The following ERAP1 variants were observed in gnomAD, a reference collection of about 807,000 sequenced individuals.
ERAP1 encodes adipocyte-derived leucine aminopeptidase.
A neutral mutation model predicts 103.7 loss-of-function variants in ERAP1; 86 were observed. That is an observed-to-expected ratio of 0.83 (90% confidence interval 0.70 to 0.99). The LOEUF (loss-of-function observed/expected upper bound fraction) is 0.99, where lower values mean the gene tolerates loss of function less well. ERAP1 is among the 50% of genes least tolerant of loss of function. ERAP1 has a pLI of 0.00. For synonymous variants in ERAP1, 398 were observed against 402.4 expected (o/e 0.99, Z 0.13); for missense variants, 1,009 against 1,128.4 (o/e 0.89, Z 1.52).
At chr5:96,787,833 T>TAC (rs199697794) in intron 11 of ERAP1, among the ~76,000 whole-genome samples, 2 of 150,784 alleles carry the variant, frequency 1.3e-5, no homozygotes, top group Non-Finnish European at 3.0e-5. Flanking sequence ...TATGTATATA[T>TAC]ACACACACAC....
chr5:96,912,526 G>A, the ERAP1 span: 3 of 638,722 alleles, frequency 4.7e-6, no homozygotes, highest in South Asian at 4.5e-5. Flanking sequence ...TTAATACATT[G>A]AGTACTGAAA....
At chr5:96,860,986 G>T in the ERAP1 span, among the ~76,000 whole-genome samples, 1 of 151,490 alleles carries the variant, frequency 6.6e-6, no homozygotes, top group Non-Finnish European at 1.5e-5. Context: ...TAATTGTGTG[G>T]GCAGAAGCCT....
At chr5:96,880,157 C>T in the ERAP1 span, 1 of 1,614,042 alleles carries the variant, frequency 6.2e-7, no homozygotes, top group East Asian at 2.2e-5. Flanking sequence ...GAAACTTACG[C>T]CTCACCTGAA....
the ERAP1 span, among the ~76,000 whole-genome samples, chr5:96,818,571 T>G: frequency 1.3e-5 from 2 of 152,060 alleles, no homozygotes; most frequent in African/African-American, 4.8e-5. Context: ...GCTTTTTTTG[T>G]TGTGCAGGTT....
At chr5:96,797,411 TC>T in intron 3 of ERAP1, 102 bp from the exon 4 acceptor site, 1 of 1,353,762 alleles carries the variant, frequency 7.4e-7, no homozygotes, top group Non-Finnish European at 1.0e-6. Flanking sequence ...AGTGTATCAA[TC>T]CCAGCACTTG....
chr5:96,815,129 GT>G, the ERAP1 span, among the ~76,000 whole-genome samples: 1 of 152,206 alleles, frequency 6.6e-6, no homozygotes, highest in Non-Finnish European at 1.5e-5. Context: ...AGCCAAAGAT[GT>G]CAAAATTAAA....
At chr5:96,915,695 T>G in the ERAP1 span, 8 of 1,533,558 alleles carry the variant, frequency 5.2e-6, no homozygotes, top group South Asian at 1.0e-4. Flanking sequence ...CAGATTTGAC[T>G]TGGGCTCATA....
At chr5:96,910,004 G>A in the ERAP1 span, 3 of 379,220 alleles carry the variant, frequency 7.9e-6, no homozygotes, top group East Asian at 4.7e-5. Context: ...AGTGGCCCAC[G>A]CCTATAATCC....
chr5:96,786,433 C>A (rs1208181490), intron 12 of ERAP1, 37 bp downstream of exon 12: 2 of 1,354,842 alleles, frequency 1.5e-6, no homozygotes, highest in Admixed American at 3.4e-5. Flanking sequence ...TTTCACATTC[C>A]TCCTTGAATT....
At chr5:96,847,152 G>T in the ERAP1 span, among the ~76,000 whole-genome samples, 5 of 150,868 alleles carry the variant, frequency 3.3e-5, no homozygotes, top group African/African-American at 1.2e-4. Context: ...GGAGGCTGAG[G>T]CAGGAGAATC....
chr5:96,916,607 G>A, the ERAP1 span, among the ~76,000 whole-genome samples: 3 of 151,564 alleles, frequency 2.0e-5, no homozygotes, highest in Non-Finnish European at 4.4e-5. Flanking sequence ...GGGACTACAG[G>A]AGGCTGCCAC....
the ERAP1 span, among the ~76,000 whole-genome samples, chr5:96,821,758 T>G: frequency 6.6e-6 from 1 of 152,214 alleles, no homozygotes; most frequent in African/African-American, 2.4e-5. Context: ...CTAGTTTATA[T>G]TGAGCATTTC....
chr5:96,899,980 TCC>T, the ERAP1 span: 1 of 1,021,178 alleles, frequency 9.8e-7, no homozygotes, highest in Admixed American at 2.7e-5. Flanking sequence ...TGCCTTTTTT[TCC>T]ATTTTTATGT....
chr5:96,887,979 G>A, the ERAP1 span, among the ~76,000 whole-genome samples: 1 of 151,984 alleles, frequency 6.6e-6, no homozygotes, highest in South Asian at 2.1e-4. Context: ...ACAAAAATTA[G>A]CCAGGCATGG....
chr5:96,834,599 G>T, the ERAP1 span, among the ~76,000 whole-genome samples: 4 of 152,202 alleles, frequency 2.6e-5, no homozygotes, highest in East Asian at 7.7e-4. Flanking sequence ...ACAGTAAAAT[G>T]AACTACTGGA....
At chr5:96,795,499 C>G (rs747375294) in intron 4 of ERAP1, among the ~76,000 whole-genome samples, 6 of 152,200 alleles carry the variant, frequency 3.9e-5, no homozygotes, top group Non-Finnish European at 8.8e-5. Flanking sequence ...CCTGCCGGCA[C>G]TAGCCCAACA....
the ERAP1 span, chr5:96,896,463 A>G: frequency 6.2e-7 from 1 of 1,613,466 alleles, no homozygotes. Flanking sequence ...GGAAACCCCG[A>G]CTCAAATACA....
At chr5:96,884,976 C>T in the ERAP1 span, among the ~76,000 whole-genome samples, 1 of 152,188 alleles carries the variant, frequency 6.6e-6, no homozygotes, top group East Asian at 1.9e-4. Flanking sequence ...ATTACATCAC[C>T]ATCCTGGAAG....
the ERAP1 span, among the ~76,000 whole-genome samples, chr5:96,853,359 G>C: frequency 6.6e-6 from 1 of 152,188 alleles, no homozygotes; most frequent in Non-Finnish European, 1.5e-5. Flanking sequence ...ATAGTGGAAA[G>C]AGATGAGAAG....
Sources: gnomAD v4.1 joint callset for allele counts (sites outside exome capture counted in the v4.1 genomes callset) on GRCh38, gnomAD v4.1.1 for gene constraint, MANE v1.5 for transcripts, NCBI Gene and HGNC (gene_info 2026-07-23, HGNC 2026-07-21) for gene names.